The following HDAC9 variants were observed in gnomAD, a reference collection of about 807,000 sequenced individuals.
The protein encoded by HDAC9 is MEF-2 interacting transcription repressor (MITR) protein.
HDAC9 carries 41 observed loss-of-function variants against 139.4 expected under a neutral mutation model. That is an observed-to-expected ratio of 0.29 (90% confidence interval 0.23 to 0.38). The LOEUF (loss-of-function observed/expected upper bound fraction) is 0.38, where lower values mean the gene tolerates loss of function less well. Among genes scored for constraint, HDAC9 ranks in the 10% least tolerant of loss-of-function variants. HDAC9 has a pLI of 1.00. For missense variants in HDAC9, 1,147 were observed against 1,297.0 expected, an observed-to-expected ratio of 0.88 and a Z score of 1.78; for synonymous variants, 517 against 476.2, an observed-to-expected ratio of 1.09 and a Z score of -1.12.
intron 19 of HDAC9, among the ~76,000 whole-genome samples, chr7:18,829,988 G>A (rs1395534974): frequency 1.3e-5 from 2 of 152,052 alleles, no homozygotes; most frequent in Admixed American, 1.3e-4. Flanking sequence ...AAAACAAGTC[G>A]GCATGTCACT....
chr7:18,156,135 G>C (rs933548748), intron 1 of HDAC9, among the ~76,000 whole-genome samples: 5 of 152,192 alleles, frequency 3.3e-5, no homozygotes, highest in Non-Finnish European at 7.3e-5. Context: ...TCATGAATAA[G>C]TGGTTTGATT....
chr7:18,990,642 C>G (rs936650734), intron 25 of HDAC9, among the ~76,000 whole-genome samples: 2 of 152,260 alleles, frequency 1.3e-5, no homozygotes, highest in East Asian at 1.9e-4. Flanking sequence ...CGCCCCTCCC[C>G]CAGCCTGGCT....
intron 23 of HDAC9, among the ~76,000 whole-genome samples, chr7:18,951,923 A>G (rs1055300493): frequency 8.6e-5 from 13 of 151,934 alleles, no homozygotes; most frequent in Non-Finnish European, 1.5e-4. Flanking sequence ...TTTTAATTTT[A>G]TAAAAACAGA....
At chr7:18,921,631 G>T (rs556477420) in intron 22 of HDAC9, among the ~76,000 whole-genome samples, 1 of 152,146 alleles carries the variant, frequency 6.6e-6, no homozygotes, top group Non-Finnish European at 1.5e-5. Flanking sequence ...CTGTTGGTGG[G>T]ACTGTTAACT....
intron 1 of HDAC9, among the ~76,000 whole-genome samples, chr7:18,306,077 G>C (rs1461679113): frequency 6.6e-6 from 1 of 152,166 alleles, no homozygotes; most frequent in East Asian, 1.9e-4. Flanking sequence ...ATGAGGCAGG[G>C]AATGGAAGGC....
At chr7:18,982,586 C>T (rs193096047) in intron 25 of HDAC9, among the ~76,000 whole-genome samples, 10 of 152,232 alleles carry the variant, frequency 6.6e-5, no homozygotes. Flanking sequence ...AGAACAAGTT[C>T]AAGAACATTT....
intron 12 of HDAC9, among the ~76,000 whole-genome samples, chr7:18,706,078 A>T (rs1783884338): frequency 6.6e-6 from 1 of 151,532 alleles, no homozygotes; most frequent in African/African-American, 2.4e-5. Flanking sequence ...ATGAATAGAA[A>T]ATGTCCCATC....
intron 22 of HDAC9, among the ~76,000 whole-genome samples, chr7:18,914,896 A>T (rs557484918): frequency 6.6e-6 from 1 of 152,128 alleles, no homozygotes; most frequent in South Asian, 2.1e-4. Flanking sequence ...AAATATTGGA[A>T]TACTTTACAT....
intron 1 of HDAC9, among the ~76,000 whole-genome samples, chr7:18,359,183 C>T (rs539185109): frequency 1.3e-5 from 2 of 152,178 alleles, no homozygotes; most frequent in East Asian, 1.9e-4. Flanking sequence ...TGGCAAAACC[C>T]CATCTCTACT....
chr7:18,157,777 T>A (rs1003481026), intron 1 of HDAC9, among the ~76,000 whole-genome samples: 2 of 143,882 alleles, frequency 1.4e-5, no homozygotes, highest in African/African-American at 5.2e-5. Context: ...AAGTTGAAAT[T>A]ACAGCAGAAT....
chr7:18,824,044 G>GGAGGAAGAA (rs1554367874), intron 17 of HDAC9, among the ~76,000 whole-genome samples: 150 of 67,188 alleles, frequency 2.2e-3, no homozygotes, highest in Non-Finnish European at 2.9e-3. Flanking sequence ...AAGAGGAAGA[G>GGAGGAAGAA]GAAGAAGAAG....
chr7:18,195,966 G>C (rs1424490157), intron 2 of HDAC9, among the ~76,000 whole-genome samples: 2 of 151,888 alleles, frequency 1.3e-5, no homozygotes, highest in Non-Finnish European at 2.9e-5. Context: ...CCCCATCATT[G>C]TACCAGGATA....
chr7:18,383,855 C>T (rs535205724), intron 1 of HDAC9, among the ~76,000 whole-genome samples: 1 of 150,286 alleles, frequency 6.7e-6, no homozygotes, highest in Non-Finnish European at 1.5e-5. Context: ...CACCACTGCA[C>T]TCCAGCCTGG....
At position 18,459,720 on chromosome 7, in the gene HDAC9, G is replaced by C. The variant is rs140813915; in HGVS notation, c.-41-36542G>C. 2.9e-4 allele frequency among the ~76,000 whole-genome samples: 44 copies of C among 152,258 alleles called. 1 individual carries two copies. The East Asian group carries it at 8.1e-3, about 28-fold the overall frequency. The stretch of plus-strand genomic sequence containing the variant: ...AGCCTAGTAGAGTTCTCTAAGGATA[G>C]TGTGTCCCCTTGGGCTACATCATAT... On this transcript the variant is annotated intron_variant, in intron 1 of 3. Coordinates refer to the HDAC9 transcript ENST00000413509.
intron 1 of HDAC9, among the ~76,000 whole-genome samples, chr7:18,360,132 G>A (rs897316020): frequency 6.6e-6 from 1 of 152,008 alleles, no homozygotes; most frequent in African/African-American, 2.4e-5. Flanking sequence ...TGGTTTCTTG[G>A]ACTCAACTAT....
At chr7:18,806,103 G>T (rs934389280) in intron 17 of HDAC9, among the ~76,000 whole-genome samples, 5 of 150,498 alleles carry the variant, frequency 3.3e-5, no homozygotes, top group East Asian at 3.9e-4. Flanking sequence ...TATAGTAAAA[G>T]TAACTGAAAA....
intron 25 of HDAC9, among the ~76,000 whole-genome samples, chr7:18,976,949 C>G (rs2129338594): frequency 6.6e-6 from 1 of 152,292 alleles, no homozygotes; most frequent in East Asian, 1.9e-4. Context: ...CAAGAATGCA[C>G]AAATACGAAC....
intron 2 of HDAC9, among the ~76,000 whole-genome samples, chr7:18,182,370 A>C (rs1451916738): frequency 6.6e-6 from 1 of 152,174 alleles, no homozygotes; most frequent in Non-Finnish European, 1.5e-5. Flanking sequence ...TCTGTGGGGG[A>C]AATAAAAATG....
chr7:18,627,591 C>A (rs1005587189), intron 6 of HDAC9, among the ~76,000 whole-genome samples: 2 of 152,184 alleles, frequency 1.3e-5, no homozygotes, highest in African/African-American at 4.8e-5. Flanking sequence ...GGGTTAGAAA[C>A]TGAGATAGAT....
Sources: allele counts gnomAD v4.1 joint callset (sites outside exome capture counted in the v4.1 genomes callset), GRCh38; gene constraint gnomAD v4.1.1; transcripts MANE v1.5; gene names NCBI Gene and HGNC (gene_info 2026-07-23, HGNC 2026-07-21).